Variants in KCNJ6 observed in about 807,000 individuals in gnomAD.
KCNJ6 encodes the protein potassium inwardly rectifying channel subfamily J member 6.
A neutral mutation model predicts 34.2 loss-of-function variants in KCNJ6; 9 were observed. The ratio of observed to expected loss-of-function variants is 0.26; its 90% CI spans 0.16 to 0.46. The LOEUF (loss-of-function observed/expected upper bound fraction) is 0.46. Among genes scored for constraint, KCNJ6 ranks in the 20% least tolerant of loss-of-function variants. The probability of loss-of-function intolerance (pLI) is 1.00; values close to 1 mark genes in which losing one functional copy is unlikely to be tolerated. For synonymous variants in KCNJ6, 196 were observed against 207.1 expected, an observed-to-expected ratio of 0.95 and a Z score of 0.46; for missense variants, 236 against 531.3, an observed-to-expected ratio of 0.44 and a Z score of 5.46.
At chr21:37,805,590 A>G (rs758210611) in intron 2 of KCNJ6, among the ~76,000 whole-genome samples, 8 of 148,826 alleles carry the variant, frequency 5.4e-5, no homozygotes, top group Non-Finnish European at 1.2e-4. Context: ...CTTCTTGTTT[A>G]TTGATTTGTG....
chr21:37,652,051 A>G (rs1460873262), intron 3 of KCNJ6, among the ~76,000 whole-genome samples: 1 of 152,210 alleles, frequency 6.6e-6, no homozygotes, highest in Non-Finnish European at 1.5e-5. Flanking sequence ...GAGATAGAAT[A>G]GAGTGAGGGG....
chr21:37,915,545 A>C (rs945575016), intron 1 of KCNJ6, among the ~76,000 whole-genome samples: 5 of 152,220 alleles, frequency 3.3e-5, no homozygotes, highest in Non-Finnish European at 4.4e-5. Context: ...CCTGTCAGTT[A>C]ATCAGTGCAT....
chr21:37,794,529 G>C (rs575507538), intron 2 of KCNJ6, among the ~76,000 whole-genome samples: 1 of 152,338 alleles, frequency 6.6e-6, no homozygotes, highest in Non-Finnish European at 1.5e-5. Flanking sequence ...CGTTACACAT[G>C]ACTTTCAACA....
intron 2 of KCNJ6, among the ~76,000 whole-genome samples, chr21:37,769,074 A>G (rs996625141): frequency 1.3e-5 from 2 of 152,228 alleles, no homozygotes; most frequent in Non-Finnish European, 2.9e-5. Flanking sequence ...AATTTTGGAT[A>G]GAGACATTGT....
At chr21:37,837,702 T>C (rs36103474) in intron 2 of KCNJ6, among the ~76,000 whole-genome samples, 29,711 of 139,098 alleles carry the variant, frequency 0.21, 3,035 homozygotes, top group South Asian at 0.35. Context: ...TGGGTATTCA[T>C]GGTTCTGTCT....
chr21:37,796,201 C>T (rs1027219435), intron 2 of KCNJ6, among the ~76,000 whole-genome samples: 5 of 152,226 alleles, frequency 3.3e-5, no homozygotes, highest in South Asian at 2.1e-4. Context: ...AAGGCGAGGA[C>T]GATGCCAAGA....
intron 3 of KCNJ6, among the ~76,000 whole-genome samples, chr21:37,635,506 C>T (rs761127922): frequency 9.9e-5 from 15 of 151,658 alleles, no homozygotes; most frequent in Non-Finnish European, 2.1e-4. Context: ...GTGTGAGCCA[C>T]CGCACCTGGC....
chr21:37,707,372 G>A (rs2054725682), intron 3 of KCNJ6, among the ~76,000 whole-genome samples: 1 of 152,204 alleles, frequency 6.6e-6, no homozygotes, highest in South Asian at 2.1e-4. Flanking sequence ...GGTCTATAGA[G>A]GAAGAGATGA....
At chr21:37,811,909 T>C (rs951107785) in intron 2 of KCNJ6, among the ~76,000 whole-genome samples, 3 of 152,086 alleles carry the variant, frequency 2.0e-5, no homozygotes, top group African/African-American at 2.4e-5. Context: ...CCAGAAGACA[T>C]AACATTGGAA....
At chr21:37,862,468 A>C (rs925744737) in intron 1 of KCNJ6, among the ~76,000 whole-genome samples, 1 of 152,258 alleles carries the variant, frequency 6.6e-6, no homozygotes, top group Non-Finnish European at 1.5e-5. Context: ...TAAAAGGCGA[A>C]GGCTTTGTTA....
chr21:37,846,025 G>GA (rs200901348), intron 1 of KCNJ6, among the ~76,000 whole-genome samples: 224 of 150,214 alleles, frequency 1.5e-3, no homozygotes, highest in East Asian at 4.9e-3. Flanking sequence ...CACAGATGCT[G>GA]AAAAAAAAAC....
intron 3 of KCNJ6, among the ~76,000 whole-genome samples, chr21:37,638,772 G>A (rs1009910742): frequency 5.9e-5 from 9 of 152,132 alleles, no homozygotes; most frequent in African/African-American, 1.2e-4. Context: ...AAGAAATCAC[G>A]AGATAGCCCC....
At chr21:37,662,416 C>T (rs1353196358) in intron 3 of KCNJ6, among the ~76,000 whole-genome samples, 1 of 152,218 alleles carries the variant, frequency 6.6e-6, no homozygotes, top group East Asian at 1.9e-4. Context: ...CCAGCTTCAT[C>T]CATGTCCCTG....
intron 1 of KCNJ6, among the ~76,000 whole-genome samples, chr21:37,904,638 T>G (rs570537753): frequency 6.6e-6 from 1 of 152,326 alleles, no homozygotes; most frequent in African/African-American, 2.4e-5. Flanking sequence ...TCTCCATTCA[T>G]GCTGTTTGGG....
At chr21:37,879,056 T>C (rs1407891027) in intron 1 of KCNJ6, among the ~76,000 whole-genome samples, 1 of 152,136 alleles carries the variant, frequency 6.6e-6, no homozygotes, top group Non-Finnish European at 1.5e-5. Context: ...AGAAAGACCA[T>C]AGGAATCTAT....
chr21:37,698,499 T>C (rs2054674213), intron 3 of KCNJ6, among the ~76,000 whole-genome samples: 1 of 152,248 alleles, frequency 6.6e-6, no homozygotes, highest in Admixed American at 6.5e-5. Flanking sequence ...AATTTGTTTT[T>C]ATGTGAGGAA....
chr21:37,737,660 GTCTGGGGACAGGGTT>G (rs1383970993), intron 2 of KCNJ6, among the ~76,000 whole-genome samples: 2 of 152,190 alleles, frequency 1.3e-5, no homozygotes, highest in African/African-American at 4.8e-5. Flanking sequence ...CCTGAGTGGT[GTCTGGGGACAGGGTT>G]TCTGGGGACA....
chr21:37,773,224 G>T (rs1294658173), intron 2 of KCNJ6, among the ~76,000 whole-genome samples: 6 of 152,154 alleles, frequency 3.9e-5, no homozygotes, highest in African/African-American at 1.2e-4. Flanking sequence ...AAGGCTGGGA[G>T]GTAGCTCTGA....
chr21:37,664,460 ATATAT>A (rs1234839386), intron 3 of KCNJ6, among the ~76,000 whole-genome samples: 7 of 152,104 alleles, frequency 4.6e-5, no homozygotes, highest in Non-Finnish European at 8.8e-5. Context: ...CAGTAAAAAA[ATATAT>A]AATTTAAATA....
Sources: gnomAD v4.1 joint callset for allele counts (sites outside exome capture counted in the v4.1 genomes callset) on GRCh38, gnomAD v4.1.1 for gene constraint, MANE v1.5 for transcripts, NCBI Gene and HGNC (gene_info 2026-07-23, HGNC 2026-07-21) for gene names.